Variants in GRIN2A observed in about 807,000 individuals in gnomAD.
GRIN2A encodes the protein glutamate receptor ionotropic, NMDA 2A.
Under a neutral mutation model 113.4 loss-of-function variants are expected in GRIN2A, and 22 were observed. The observed-to-expected ratio is 0.19, with a 90% CI of 0.14 to 0.28. GRIN2A has a LOEUF of 0.28. Among genes scored for constraint, GRIN2A ranks in the 10% least tolerant of loss-of-function variants. GRIN2A has a pLI of 1.00. For missense variants in GRIN2A, 1,502 were observed against 1,887.0 expected (o/e 0.80, Z 3.78); for synonymous variants, 827 against 738.4 (o/e 1.12, Z -1.94).
intron 2 of GRIN2A, among the ~76,000 whole-genome samples, chr16:10,100,365 G>A (rs779553978): frequency 2.0e-5 from 3 of 152,214 alleles, no homozygotes; most frequent in East Asian, 1.9e-4. Flanking sequence ...AGAGTAATTC[G>A]AAGACCTTTG....
intron 2 of GRIN2A, among the ~76,000 whole-genome samples, chr16:9,978,075 T>C (rs1387171707): frequency 3.3e-5 from 5 of 152,142 alleles, no homozygotes; most frequent in Admixed American, 3.3e-4. Flanking sequence ...TTTCTGAGCC[T>C]TTTCTTCCAT....
rs1307745358 is a variant in GRIN2A, at chr16:9,758,444, G to A, written c.*4705C>T. 3 of 220,168 alleles carry A rather than the reference G, an allele frequency of 1.4e-5. No homozygotes were observed. In the East Asian group the frequency reaches 2.0e-4, roughly 15 times the overall value. 13.6% of individuals were successfully genotyped at this position (220,168 alleles called of 1,614,324 possible). Reference sequence around the variant, plus strand: ...AGGCTCTGTCATCCTCCCTACAACTGAGATTAAAAAAATATAGTGCCCTCT... The same window carrying A: ...AGGCTCTGTCATCCTCCCTACAACTAAGATTAAAAAAATATAGTGCCCTCT... On this transcript the variant is annotated 3_prime_UTR_variant, in exon 13 of 13. Coordinates refer to ENST00000330684, the MANE Select transcript of GRIN2A (RefSeq NM_001134407.3).
chr16:9,876,395 C>T (rs996166164), intron 4 of GRIN2A, among the ~76,000 whole-genome samples: 1 of 152,152 alleles, frequency 6.6e-6, no homozygotes, highest in African/African-American at 2.4e-5. Flanking sequence ...CCTGTTTACC[C>T]CCACATCCGC....
intron 3 of GRIN2A, among the ~76,000 whole-genome samples, chr16:9,928,256 G>A (rs938471927): frequency 2.0e-5 from 3 of 152,200 alleles, no homozygotes; most frequent in Non-Finnish European, 4.4e-5. Context: ...AGAACAGGTG[G>A]AGAGGCCCGT....
intron 3 of GRIN2A, among the ~76,000 whole-genome samples, chr16:9,923,952 C>A (rs2044404299): frequency 6.6e-6 from 1 of 151,768 alleles, no homozygotes; most frequent in South Asian, 2.1e-4. Context: ...CATGGTGAGA[C>A]CTCATCTCTA....
chr16:10,127,764 G>A (rs139198756), intron 2 of GRIN2A, among the ~76,000 whole-genome samples: 33 of 152,250 alleles, frequency 2.2e-4, no homozygotes, highest in African/African-American at 4.8e-4. Context: ...CGCTATCTAC[G>A]TAAGTCATCC....
At chr16:10,017,146 C>A (rs1383319076) in intron 2 of GRIN2A, among the ~76,000 whole-genome samples, 1 of 152,200 alleles carries the variant, frequency 6.6e-6, no homozygotes, top group East Asian at 1.9e-4. Flanking sequence ...AAATGGCCTA[C>A]AAGCCCCTCA....
At chr16:10,058,339 GAA>G (rs2047491867) in intron 2 of GRIN2A, among the ~76,000 whole-genome samples, 1 of 151,838 alleles carries the variant, frequency 6.6e-6, no homozygotes, top group South Asian at 2.1e-4. Context: ...AGATTACAAA[GAA>G]AACAAATTAT....
intron 3 of GRIN2A, among the ~76,000 whole-genome samples, chr16:9,894,516 G>A (rs2043763895): frequency 1.3e-5 from 2 of 151,972 alleles, no homozygotes; most frequent in African/African-American, 2.4e-5. Flanking sequence ...TGAACTAAAT[G>A]AACATGGTCC....
rs564839571 is a variant in GRIN2A, at chr16:9,849,170, T to C, written c.1328+586A>G. On this transcript the variant is annotated intron_variant, in intron 5 of 12. Coordinates refer to ENST00000330684, the MANE Select transcript of GRIN2A (RefSeq NM_001134407.3). ...TTTATATATTTAAATATATAAAATA[T>C]ACTGTTTTATATATTTAAATATATA... Among the ~76,000 whole-genome samples, 417 of 133,896 alleles carry C rather than the reference T, an allele frequency of 3.1e-3. 2 individuals are homozygous for C. Among genetic ancestry groups the C allele is most frequent in the South Asian group, 0.011 (46 of 4,354 alleles). 87.8% of individuals were successfully genotyped at this position (133,896 alleles called of 152,430 possible).
intron 10 of GRIN2A, among the ~76,000 whole-genome samples, chr16:9,811,953 A>T (rs374934926): frequency 6.6e-5 from 10 of 152,128 alleles, no homozygotes; most frequent in African/African-American, 1.9e-4. Context: ...CCTTATCTCA[A>T]TGGAAGAAGA....
At chr16:9,990,914 A>G (rs1057224187) in intron 2 of GRIN2A, among the ~76,000 whole-genome samples, 2 of 151,992 alleles carry the variant, frequency 1.3e-5, no homozygotes, top group African/African-American at 2.4e-5. Flanking sequence ...TAAAAATACA[A>G]AAGTTAGCCA....
At chr16:9,890,059 T>C (rs1379355839) in intron 4 of GRIN2A, among the ~76,000 whole-genome samples, 1 of 152,158 alleles carries the variant, frequency 6.6e-6, no homozygotes, top group Non-Finnish European at 1.5e-5. Context: ...GTCAATTACA[T>C]TATGTCTCCC....
At chr16:9,905,805 G>A (rs548677610) in intron 3 of GRIN2A, among the ~76,000 whole-genome samples, 2 of 152,244 alleles carry the variant, frequency 1.3e-5, no homozygotes, top group East Asian at 3.9e-4. Flanking sequence ...CTGTCTCCTA[G>A]GAATTTGAAA....
At chr16:9,867,000 A>G (rs1596516867) in intron 4 of GRIN2A, among the ~76,000 whole-genome samples, 1 of 152,274 alleles carries the variant, frequency 6.6e-6, no homozygotes, top group East Asian at 1.9e-4. Context: ...CCTGGTCTCT[A>G]TCTTCTCTCA....
chr16:9,986,295 A>G (rs1446967334), intron 2 of GRIN2A, among the ~76,000 whole-genome samples: 1 of 152,240 alleles, frequency 6.6e-6, no homozygotes, highest in Non-Finnish European at 1.5e-5. Context: ...GTGAATAATA[A>G]AAGTGAAAAC....
rs1035887830 is a variant in GRIN2A, at chr16:9,793,057, C to T, written c.2356+5220G>A. ...GTTTTAGGAAGATCCTCACGTGATT[C>T]TTGCTCATGGTAAAGCTGAATGAGC... On this transcript the variant is annotated intron_variant, in intron 11 of 12. Transcript: ENST00000330684. Among the ~76,000 whole-genome samples the T allele has an allele frequency of 4.6e-5, 7 of 152,314 alleles. No individual in the cohort carries two copies. In the East Asian group the frequency reaches 7.7e-4, roughly 17 times the overall value.
At chr16:10,078,864 G>A (rs2047928711) in intron 2 of GRIN2A, among the ~76,000 whole-genome samples, 2 of 152,238 alleles carry the variant, frequency 1.3e-5, no homozygotes, top group African/African-American at 4.8e-5. Flanking sequence ...CTGACTGGCT[G>A]ACTGACTGCC....
intron 7 of GRIN2A, among the ~76,000 whole-genome samples, chr16:9,840,201 C>G (rs533520890): frequency 3.9e-5 from 6 of 152,086 alleles, no homozygotes; most frequent in African/African-American, 1.4e-4. Flanking sequence ...CTGGGGAGTC[C>G]CCAGGAAACT....
Sources: allele counts gnomAD v4.1 joint callset (sites outside exome capture counted in the v4.1 genomes callset), GRCh38; gene constraint gnomAD v4.1.1; transcripts MANE v1.5; gene names NCBI Gene and HGNC (gene_info 2026-07-23, HGNC 2026-07-21).